Variants in EIF4G3 observed in about 807,000 individuals in gnomAD.
EIF4G3 encodes eIF-4-gamma 3.
A neutral mutation model predicts 186.4 loss-of-function variants in EIF4G3; 34 were observed. The observed-to-expected ratio is 0.18, with a 90% CI of 0.14 to 0.24. The LOEUF is 0.24. EIF4G3 is among the 10% of genes least tolerant of loss of function. The probability of loss-of-function intolerance (pLI) is 1.00; values close to 1 mark genes in which losing one functional copy is unlikely to be tolerated. For missense variants in EIF4G3, 1,536 were observed against 1,948.5 expected (o/e 0.79, Z 3.99); for synonymous variants, 673 against 679.5 (o/e 0.99, Z 0.15).
intron 3 of EIF4G3, among the ~76,000 whole-genome samples, chr1:21,060,177 T>C (rs1418857917): frequency 6.6e-6 from 1 of 152,072 alleles, no homozygotes; most frequent in African/African-American, 2.4e-5. Flanking sequence ...TCTTAACTTC[T>C]AGGCTCAAGG....
intron 4 of EIF4G3, among the ~76,000 whole-genome samples, chr1:21,003,175 T>C (rs200323865): frequency 3.0e-3 from 203 of 67,474 alleles, no homozygotes; most frequent in African/African-American, 5.7e-3. Flanking sequence ...TTTTTTCTTT[T>C]TTTTTTTTTT....
intron 3 of EIF4G3, among the ~76,000 whole-genome samples, chr1:21,079,860 G>C (rs2095710391): frequency 6.6e-6 from 1 of 151,600 alleles, no homozygotes; most frequent in African/African-American, 2.4e-5. Context: ...TTAAAAATTA[G>C]CCAGGCATGG....
intron 2 of EIF4G3, among the ~76,000 whole-genome samples, chr1:21,119,674 T>G (rs2096893119): frequency 6.6e-6 from 1 of 152,206 alleles, no homozygotes; most frequent in Non-Finnish European, 1.5e-5. Flanking sequence ...AGGTGGCTTG[T>G]GCTATTAACT....
At chr1:21,136,472 G>A (rs1358692816) in intron 2 of EIF4G3, among the ~76,000 whole-genome samples, 4 of 151,422 alleles carry the variant, frequency 2.6e-5, no homozygotes, top group South Asian at 4.2e-4. Flanking sequence ...AGCCGAGATC[G>A]CACCATTGCA....
At chr1:20,972,525 T>G (rs1031733188) in intron 11 of EIF4G3, among the ~76,000 whole-genome samples, 1 of 152,104 alleles carries the variant, frequency 6.6e-6, no homozygotes, top group South Asian at 2.1e-4. Context: ...TCCCAACTAC[T>G]TGGGAGGCTG....
chr1:20,943,959 T>G (rs1332609917), intron 13 of EIF4G3, among the ~76,000 whole-genome samples: 3 of 136,112 alleles, frequency 2.2e-5, no homozygotes, highest in South Asian at 2.5e-4. Context: ...TCAGGAAAAC[T>G]TGTCTTTATT....
chr1:21,010,419 CAAAAAAA>C (rs11318361), intron 4 of EIF4G3, among the ~76,000 whole-genome samples: 91 of 101,166 alleles, frequency 9.0e-4, no homozygotes, highest in South Asian at 1.3e-3. Flanking sequence ...GACTCTGTCT[CAAAAAAA>C]AAAAAAAAAA....
At chr1:21,124,037 T>TCCCA (rs1318655728) in intron 2 of EIF4G3, among the ~76,000 whole-genome samples, 1 of 152,138 alleles carries the variant, frequency 6.6e-6, no homozygotes, top group Non-Finnish European at 1.5e-5. Flanking sequence ...ACGCCTGTAA[T>TCCCA]CCCAGCACTT....
chr1:20,862,276 G>C lies in EIF4G3; in HGVS notation c.3063C>G (p.Thr1021=), dbSNP rs1486636839. 3 of 1,612,768 alleles carry C rather than the reference G, an allele frequency of 1.9e-6. No homozygotes were observed. Among genetic ancestry groups the C allele is most frequent in the Non-Finnish European group, 2.5e-6 (3 of 1,179,428 alleles). Reference sequence around the variant, plus strand: ...GAAGCATGAACCGAATCCTAGATGAGGTTTTTCTTTCTTTCACAATTTTCT... The same window carrying C: ...GAAGCATGAACCGAATCCTAGATGACGTTTTTCTTTCTTTCACAATTTTCT... ...QMEKIVKERK[T]SSRIRFMLQD... Residue 1021 remains threonine, a synonymous_variant, in exon 23 of 37, where the codon ACC becomes ACG. Coordinates refer to ENST00000602326, the MANE Select transcript of EIF4G3 (RefSeq NM_001391906.1).
At chr1:21,066,059 G>C (rs1310209814) in intron 3 of EIF4G3, among the ~76,000 whole-genome samples, 1 of 152,094 alleles carries the variant, frequency 6.6e-6, no homozygotes, top group Non-Finnish European at 1.5e-5. Flanking sequence ...TCAAGAGGCT[G>C]AAGTGGGAGA....
At chr1:21,112,754 T>C (rs1350803530) in intron 2 of EIF4G3, among the ~76,000 whole-genome samples, 3 of 152,158 alleles carry the variant, frequency 2.0e-5, no homozygotes, top group South Asian at 2.1e-4. Context: ...CATGTTATAA[T>C]AAAAATATTC....
At chr1:21,150,590 T>A (rs1223651186) in intron 2 of EIF4G3, among the ~76,000 whole-genome samples, 3 of 152,240 alleles carry the variant, frequency 2.0e-5, no homozygotes, top group African/African-American at 7.2e-5. Flanking sequence ...TAAAATAATG[T>A]AATTTAATCT....
At position 20,941,724 on chromosome 1, in the gene EIF4G3, G is replaced by A; in HGVS notation, c.1430C>T (p.Pro477Leu). ...TGGAGTGTGAGGAGGAGAAGCTGGA[G>A]GAGTTGGAGGAGTTGGAGGAAAGGA... ...VPSFPPTPPT[P>L]PASPPHTPVI... The change falls in exon 14 of 37, where the codon CCT becomes CTT. Residue 477 changes from proline to leucine, a missense_variant. Around this residue, in one of 11 missense-constraint regions of EIF4G3, gnomAD observed 560 missense variants for 547.8 expected, o/e 1.02. Transcript: ENST00000602326. 1.2e-6 allele frequency: 2 copies of A among 1,609,614 alleles called. No homozygotes were observed. Among genetic ancestry groups the A allele is most frequent in the African/African-American group, 2.7e-5 (2 of 74,852 alleles).
intron 27 of EIF4G3, among the ~76,000 whole-genome samples, chr1:20,852,621 C>T (rs59990901): frequency 0.034 from 5,109 of 152,108 alleles, 159 homozygotes; most frequent in East Asian, 0.12. Flanking sequence ...TGGCCCGTGG[C>T]AGACCAGAAG....
chr1:20,822,379 T>G (rs2062625946), intron 33 of EIF4G3, among the ~76,000 whole-genome samples: 1 of 145,598 alleles, frequency 6.9e-6, no homozygotes, highest in Admixed American at 6.9e-5. Flanking sequence ...TTTTTTTTTT[T>G]TTTGAGACGG....
rs1263917406 is a variant in EIF4G3 at position 20,942,322 on chromosome 1, G to C, written c.832C>G (p.Pro278Ala). The change falls in exon 14 of 37, where the codon CCA (proline) becomes GCA (alanine). Residue 278 changes from proline to alanine, a missense_variant. Around this residue, in one of 11 missense-constraint regions of EIF4G3, gnomAD observed 560 missense variants for 547.8 expected, o/e 1.02. Transcript: ENST00000602326. ...AASDQKQEEK[P>A]KPDPVLKSPS... ...GACTTTAACACTGGATCTGGTTTTG[G>C]CTTCTCCTCTGGGGAAAAAAAAATA... is the stretch of plus-strand genomic sequence containing the variant. 6.4e-7 allele frequency: 1 copy of C among 1,569,334 alleles called. No homozygotes were observed. Among genetic ancestry groups the C allele is most frequent in the Admixed American group, 2.0e-5 (1 of 49,236 alleles).
intron 4 of EIF4G3, among the ~76,000 whole-genome samples, chr1:21,044,754 CCT>C (rs945822041): frequency 6.6e-6 from 1 of 151,510 alleles, no homozygotes; most frequent in African/African-American, 2.4e-5. Context: ...CTCAAGCGAT[CCT>C]CTCACCTCAG....
chr1:21,048,215 T>C (rs1229575480), intron 4 of EIF4G3, among the ~76,000 whole-genome samples: 2 of 152,164 alleles, frequency 1.3e-5, no homozygotes, highest in Non-Finnish European at 2.9e-5. Context: ...CTTAAGTCCT[T>C]TGGGCCAACT....
intron 4 of EIF4G3, among the ~76,000 whole-genome samples, chr1:21,036,775 A>G (rs2093239285): frequency 6.6e-6 from 1 of 152,068 alleles, no homozygotes; most frequent in Admixed American, 6.6e-5. Context: ...TAGCTACTTG[A>G]GAGGCTGAGG....
Sources: allele counts gnomAD v4.1 joint callset (sites outside exome capture counted in the v4.1 genomes callset), GRCh38; gene constraint gnomAD v4.1.1; regional missense constraint gnomAD v4.1.1; transcripts MANE v1.5; gene names NCBI Gene and HGNC (gene_info 2026-07-23, HGNC 2026-07-21).